HMGCL: variants seen among roughly 807,000 people sequenced by gnomAD.
HMGCL encodes the protein 3-hydroxy-3-methylglutaryl-CoA lyase.
HMGCL carries 26 observed loss-of-function variants against 37.3 expected under a neutral mutation model. The ratio of observed to expected loss-of-function variants is 0.70; its 90% CI spans 0.51 to 0.97. The LOEUF (loss-of-function observed/expected upper bound fraction) is 0.97, where lower values mean the gene tolerates loss of function less well. Among genes scored for constraint, HMGCL ranks in the 50% least tolerant of loss-of-function variants. The pLI is 0.00. For synonymous variants in HMGCL, 151 were observed against 148.0 expected (o/e 1.02, Z -0.15); for missense variants, 379 against 398.1 (o/e 0.95, Z 0.41).
rs1056785498 is a variant in HMGCL at position 23,801,896 on chromosome 1, C to G, written c.*567G>C. The G allele has an allele frequency of 2.4e-6, 1 of 417,064 alleles. No homozygotes were observed. The highest frequency in any genetic ancestry group is 4.2e-6 in the Non-Finnish European group (1 of 235,602). 25.8% of individuals were successfully genotyped at this position (417,064 alleles called of 1,614,324 possible). A position where few individuals can be genotyped will look rare whatever the true frequency, so the allele number is the denominator to read the frequency against. ...ACCGAATGCTGGAATTATGATGTGC[C>G]ATTCAACCTTTAATTACATAAGCTG... On this transcript the variant is annotated 3_prime_UTR_variant, in exon 9 of 9. Transcript: ENST00000374490.
chr1:23,823,681 C>G (rs1015469373), intron 1 of HMGCL, among the ~76,000 whole-genome samples: 31 of 152,122 alleles, frequency 2.0e-4, no homozygotes, highest in African/African-American at 7.2e-4. Flanking sequence ...CCATACTGTC[C>G]TCTCAACAAT....
chr1:23,816,088 A>ATTT (rs35297134), intron 4 of HMGCL, among the ~76,000 whole-genome samples: 1 of 130,464 alleles, frequency 7.7e-6, no homozygotes, highest in Non-Finnish European at 1.6e-5. Flanking sequence ...CAGCTAATTG[A>ATTT]TTTTTTTTTT....
At chr1:23,804,324 C>A in intron 8 of HMGCL, 76 bp downstream of exon 8, 1 of 1,575,368 alleles carries the variant, frequency 6.3e-7, no homozygotes, top group East Asian at 2.2e-5. Context: ...CCAAATACCC[C>A]CATCCACTTT....
intron 7 of HMGCL, 90 bp downstream of exon 7, chr1:23,808,045 C>CA (rs1363168562): frequency 8.3e-7 from 1 of 1,209,170 alleles, no homozygotes; most frequent in Non-Finnish European, 1.2e-6. Context: ...GGCATACTGG[C>CA]ATCAGTAAAT....
rs34801023 is a variant in HMGCL at position 23,805,947 on chromosome 1, C to CT, written c.751-1423dup. Among the ~76,000 whole-genome samples, 450 of 146,082 alleles carry CT rather than the reference C, an allele frequency of 3.1e-3. 3 individuals carry two copies. The highest frequency in any genetic ancestry group is 7.0e-3 in the African/African-American group (281 of 40,132). On this transcript the variant is annotated intron_variant, in intron 7 of 8. Coordinates refer to ENST00000374490, the MANE Select transcript of HMGCL (RefSeq NM_000191.3). ...CTCTACACAGCACCCAGAGGAGCCT[C>CT]TTTTTTTTTTTTGATAAGAAGTCTC...
chr1:23,820,586 G>A lies in HMGCL; in HGVS notation c.68C>T (p.Thr23Ile), dbSNP rs750228891. 1.4e-5 allele frequency: 22 copies of A among 1,613,482 alleles called. No homozygotes were observed. The South Asian group carries it at 2.2e-4, about 16-fold the overall frequency. ...VGLASLRAVS[T>I]SSMGTLPKRV... ...CTTTGGTAAAGTGCCCATAGATGAG[G>A]TGCTGACCTTTGGTTTAAAAGAGGA... The change falls in exon 2 of 9, where the codon ACC (threonine) becomes ATC (isoleucine). Residue 23 changes from threonine (T) to isoleucine (I), a missense_variant. Thr to Ile is a moderately conservative substitution (Grantham distance 89). Transcript: ENST00000374490.
rs951833412 is a variant in HMGCL, at chr1:23,806,661, C to T, written c.750+1474G>A. The T allele has an allele frequency of 9.7e-6, 3 of 309,186 alleles. No homozygotes were observed. Among genetic ancestry groups the T allele is most frequent in the African/African-American group, 2.2e-5 (1 of 45,904 alleles). The allele number at this position is 309,186 out of a possible 1,614,324, so 19.2% of individuals were successfully genotyped here. On this transcript the variant is annotated intron_variant, in intron 7 of 8. Transcript: ENST00000374490. The surrounding 1 kb of genome is among the most constrained non-coding windows in gnomAD (Gnocchi z 4.0). ...ATTTTTTCTCCACAGTGTTTATGAA[C>T]ACCTGGCCTGCTGTATGTTTGTTTA...
intron 2 of HMGCL, 138 bp downstream of exon 2, chr1:23,820,363 CCCTGTTTGG>C: frequency 1.4e-6 from 1 of 704,946 alleles, no homozygotes; most frequent in Non-Finnish European, 2.6e-6. Context: ...AGGTGTCTGT[CCCTGTTTGG>C]CCTCCTCTAC....
intron 7 of HMGCL, 118 bp from the exon 8 acceptor site, chr1:23,804,643 G>A: frequency 8.9e-7 from 1 of 1,128,720 alleles, no homozygotes; most frequent in Non-Finnish European, 1.3e-6. Context: ...TCTTTGCTTT[G>A]GCTTATGATT....
At chr1:23,809,400 G>A (rs899637983) in intron 6 of HMGCL, 11 of 150,690 alleles carry the variant, frequency 7.3e-5, no homozygotes, top group East Asian at 1.9e-4. Flanking sequence ...CACCACCCCC[G>A]GCTAATTTTT....
At chr1:23,824,891 G>C (rs563707972) in intron 1 of HMGCL, among the ~76,000 whole-genome samples, 1 of 152,190 alleles carries the variant, frequency 6.6e-6, no homozygotes, top group Non-Finnish European at 1.5e-5. Flanking sequence ...AATTCCAAGG[G>C]AATCACAGCT....
At chr1:23,823,690 A>C (rs1638764049) in intron 1 of HMGCL, among the ~76,000 whole-genome samples, 1 of 151,962 alleles carries the variant, frequency 6.6e-6, no homozygotes, top group Non-Finnish European at 1.5e-5. Context: ...CCTCTCAACA[A>C]TCTTATCAGG....
In HMGCL at chr1:23,808,286, A is replaced by G; in HGVS notation, c.599T>C (p.Ile200Thr). Residue 200 changes from isoleucine (I) to threonine (T), a missense_variant, in exon 7 of 9, where the codon ATC becomes ACC. By Grantham distance (89) the Ile-to-Thr change is moderately conservative. Coordinates refer to ENST00000374490, the MANE Select transcript of HMGCL (RefSeq NM_000191.3). ...CACACCAATGGTGTCCCCCAGGGAG[A>G]TCTCGTAGCAGCCCATTGAGTAGAA... Reference protein sequence around the residue: ...KKFYSMGCYEISLGDTIGVGT... With the variant: ...KKFYSMGCYETSLGDTIGVGT... The G allele has an allele frequency of 1.9e-6, 3 of 1,614,024 alleles. No individual in the cohort carries two copies. Among genetic ancestry groups the G allele is most frequent in the Non-Finnish European group, 2.5e-6 (3 of 1,179,976 alleles).
chr1:23,805,136 G>C (rs1244494444), intron 7 of HMGCL, among the ~76,000 whole-genome samples: 1 of 151,976 alleles, frequency 6.6e-6, no homozygotes, highest in African/African-American at 2.4e-5. Flanking sequence ...GCCTACATCT[G>C]GGCCTACAGA....
Position 23,814,664 on chromosome 1 carries a change from C to T in HMGCL, c.349-326G>A, listed in dbSNP as rs560275200. 5.3e-5 allele frequency among the ~76,000 whole-genome samples: 8 copies of T among 152,228 alleles called. 1 individual carries two copies. The South Asian group carries it at 1.4e-3, about 28-fold the overall frequency. ...GATTACAGGTGTCAGCCATCATGCC[C>T]GGCCAGCACTTTTCTCTTTAAAGAA... is the stretch of plus-strand genomic sequence containing the variant. On this transcript the variant is annotated intron_variant, in intron 4 of 8. Coordinates refer to ENST00000374490, the MANE Select transcript of HMGCL (RefSeq NM_000191.3).
chr1:23,804,799 C>A (rs1638371932), intron 7 of HMGCL, among the ~76,000 whole-genome samples: 1 of 152,032 alleles, frequency 6.6e-6, no homozygotes, highest in Non-Finnish European at 1.5e-5. Context: ...CTCAGGGAGA[C>A]CTTTTCTGAT....
In HMGCL at chr1:23,802,125, C is replaced by T. The variant is rs988536831; in HGVS notation, c.*338G>A. 1.8e-6 allele frequency: 1 copy of T among 555,798 alleles called. No homozygotes were observed. Among genetic ancestry groups the T allele is most frequent in the South Asian group, 2.7e-5 (1 of 37,658 alleles). The allele number at this position is 555,798 out of a possible 1,614,324, so 34.4% of individuals were successfully genotyped here. A position where few individuals can be genotyped will look rare whatever the true frequency, so the allele number is the denominator to read the frequency against. On this transcript the variant is annotated 3_prime_UTR_variant, in exon 9 of 9. Coordinates refer to ENST00000374490, the MANE Select transcript of HMGCL (RefSeq NM_000191.3). The stretch of plus-strand genomic sequence containing the variant: ...GTAGAGGGTGGCCAGGTGGCCAGCT[C>T]GCGGATTCCATCCAGAGAGGAGACT...
chr1:23,802,631 C>T, intron 8 of HMGCL, 67 bp from the exon 9 acceptor site: 2 of 1,001,588 alleles, frequency 2.0e-6, no homozygotes, highest in Non-Finnish European at 3.2e-6. Flanking sequence ...AAAACATCAG[C>T]ATGGACAGAC....
intron 5 of HMGCL, 83 bp from the exon 6 acceptor site, chr1:23,810,882 T>G: frequency 9.1e-7 from 1 of 1,104,544 alleles, no homozygotes; most frequent in South Asian, 1.3e-5. Context: ...TTAACACACA[T>G]TTCTGATCAG....
Sources: allele counts gnomAD v4.1 joint callset (sites outside exome capture counted in the v4.1 genomes callset), GRCh38; gene constraint gnomAD v4.1.1; non-coding constraint Gnocchi (gnomAD v3.1); transcripts MANE v1.5; gene names NCBI Gene and HGNC (gene_info 2026-07-23, HGNC 2026-07-21).